GLRA1: variants seen among roughly 807,000 people sequenced by gnomAD.
The protein encoded by GLRA1 is glycine receptor subunit alpha-1.
In GLRA1, 37 loss-of-function variants were observed where a neutral mutation model predicts 48.3. The observed-to-expected ratio is 0.77, with a 90% CI of 0.59 to 1.01. The LOEUF (loss-of-function observed/expected upper bound fraction) is 1.01, where lower values mean the gene tolerates loss of function less well. GLRA1 is among the 50% of genes least tolerant of loss of function. GLRA1 has a pLI of 0.00. For synonymous variants in GLRA1, 196 were observed against 210.7 expected (o/e 0.93, Z 0.60); for missense variants, 427 against 571.0 (o/e 0.75, Z 2.57).
chr5:151,832,984 G>A (rs1267563118), intron 7 of GLRA1, among the ~76,000 whole-genome samples: 1 of 152,082 alleles, frequency 6.6e-6, no homozygotes, highest in Non-Finnish European at 1.5e-5. Context: ...AAGAGACTGG[G>A]GGCCAATATT....
At chr5:151,904,428 T>A (rs987159376) in intron 1 of GLRA1, among the ~76,000 whole-genome samples, 1 of 152,224 alleles carries the variant, frequency 6.6e-6, no homozygotes, top group Non-Finnish European at 1.5e-5. Flanking sequence ...GATTTCTATC[T>A]GTTGCAATTC....
intron 2 of GLRA1, 81 bp downstream of exon 2, chr5:151,892,230 T>C: frequency 7.9e-7 from 1 of 1,270,362 alleles, no homozygotes; most frequent in East Asian, 2.3e-5. Context: ...GTATTTACCA[T>C]CTGCGTGCAT....
intron 3 of GLRA1, among the ~76,000 whole-genome samples, chr5:151,861,886 C>A (rs980770408): frequency 3.3e-4 from 51 of 152,324 alleles, no homozygotes; most frequent in African/African-American, 1.2e-3. Flanking sequence ...ATGCCATTCC[C>A]ATCAAGCTAC....
chr5:151,889,543 C>A (rs1292390879), intron 2 of GLRA1, among the ~76,000 whole-genome samples: 1 of 152,196 alleles, frequency 6.6e-6, no homozygotes, highest in Non-Finnish European at 1.5e-5. Flanking sequence ...TTGTACTCTG[C>A]AGACTGTGCT....
chr5:151,881,592 T>G (rs1753765064), intron 3 of GLRA1, among the ~76,000 whole-genome samples: 1 of 149,084 alleles, frequency 6.7e-6, no homozygotes, highest in African/African-American at 2.5e-5. Context: ...CACCTTGGCC[T>G]CCCAAAGTGC....
At chr5:151,844,271 T>A (rs145789800) in intron 7 of GLRA1, among the ~76,000 whole-genome samples, 162 of 152,154 alleles carry the variant, frequency 1.1e-3, no homozygotes, top group African/African-American at 3.6e-3. Context: ...ATGAAACTCT[T>A]AGAAGAAAAT....
intron 7 of GLRA1, among the ~76,000 whole-genome samples, chr5:151,839,673 T>TA (rs1035248468): frequency 2.6e-5 from 4 of 152,108 alleles, no homozygotes; most frequent in African/African-American, 9.7e-5. Flanking sequence ...GGTTAGATCT[T>TA]AGAGGTGAGA....
At chr5:151,864,515 T>G (rs1238284046) in intron 3 of GLRA1, among the ~76,000 whole-genome samples, 1 of 152,222 alleles carries the variant, frequency 6.6e-6, no homozygotes, top group Non-Finnish European at 1.5e-5. Flanking sequence ...AGCATCAGCC[T>G]GAGCCTCTAG....
intron 3 of GLRA1, among the ~76,000 whole-genome samples, chr5:151,862,776 T>C (rs1701998489): frequency 1.3e-5 from 2 of 152,196 alleles, no homozygotes; most frequent in Admixed American, 6.5e-5. Context: ...TATTTGTGCA[T>C]GGTGAGTATC....
Position 151,822,727 on chromosome 5 carries a change from C to T in GLRA1, c.1296G>A (p.Met432Ile). ...GFPMAFLIFNMFYWIIYKIVR... is the reference protein window; with the variant it reads ...GFPMAFLIFNIFYWIIYKIVR... ...CAATCTTGTAGATGATCCAGTAGAA[C>T]ATGTTGAAAATGAGGAAGGCCATGG... The change falls in exon 9 of 9, where the codon ATG (methionine) becomes ATA (isoleucine). Residue 432 changes from methionine (M) to isoleucine (I), a missense_variant. By Grantham distance (10) the Met-to-Ile change is conservative. Coordinates refer to ENST00000274576, the MANE Select transcript of GLRA1 (RefSeq NM_000171.4). The T allele has an allele frequency of 1.2e-6, 2 of 1,613,896 alleles. No individual in the cohort carries two copies. Among genetic ancestry groups the T allele is most frequent in the Non-Finnish European group, 1.7e-6 (2 of 1,179,838 alleles).
At chr5:151,908,097 C>T (rs1329783842) in intron 1 of GLRA1, among the ~76,000 whole-genome samples, 3 of 152,160 alleles carry the variant, frequency 2.0e-5, no homozygotes, top group Non-Finnish European at 4.4e-5. Flanking sequence ...GCCTTCCTTC[C>T]TGGGCTTTGA....
intron 3 of GLRA1, among the ~76,000 whole-genome samples, chr5:151,872,637 G>A (rs550899147): frequency 4.7e-5 from 7 of 149,984 alleles, no homozygotes; most frequent in South Asian, 2.1e-4. Context: ...AAACCTAAAA[G>A]CATGTCAAGA....
chr5:151,838,423 C>T (rs924142753), intron 7 of GLRA1, among the ~76,000 whole-genome samples: 6 of 151,998 alleles, frequency 3.9e-5, no homozygotes, highest in African/African-American at 4.8e-5. Context: ...GAGCCGAGAT[C>T]GTATCACCGC....
chr5:151,864,208 G>A (rs1392578291), intron 3 of GLRA1, among the ~76,000 whole-genome samples: 1 of 152,074 alleles, frequency 6.6e-6, no homozygotes, highest in Non-Finnish European at 1.5e-5. Flanking sequence ...ACTATGAATG[G>A]TTGGGCAGAA....
At chr5:151,828,053 G>A (rs1424259805) in intron 8 of GLRA1, among the ~76,000 whole-genome samples, 2 of 151,996 alleles carry the variant, frequency 1.3e-5, no homozygotes, top group Non-Finnish European at 2.9e-5. Flanking sequence ...GCGATTTGGT[G>A]GAAGAGATCG....
In GLRA1 at chr5:151,913,509, G is replaced by A. The variant is rs139031960; in HGVS notation, c.56+10985C>T. Among the ~76,000 whole-genome samples the A allele has an allele frequency of 1.6e-3, 246 of 152,236 alleles. 4 individuals are homozygous for A. The highest frequency in any genetic ancestry group is 5.8e-3 in the African/African-American group (240 of 41,530). ...GTAAATAGCAGTGGGGGCTGTGTGC[G>A]GCAAGCTGAGAGTTTCGTATTATGT... On this transcript the variant is annotated intron_variant, in intron 1 of 8. Transcript: ENST00000274576.
intron 1 of GLRA1, among the ~76,000 whole-genome samples, chr5:151,923,398 C>A (rs1247976641): frequency 6.6e-6 from 1 of 152,104 alleles, no homozygotes; most frequent in Non-Finnish European, 1.5e-5. Flanking sequence ...TTTTTAAAAA[C>A]AATTTGGGGT....
At chr5:151,856,572 G>T (rs538293530) in intron 4 of GLRA1, among the ~76,000 whole-genome samples, 189 bp from the exon 5 acceptor site, 1 of 152,068 alleles carries the variant, frequency 6.6e-6, no homozygotes, top group African/African-American at 2.4e-5. Flanking sequence ...AGGCTGGAGC[G>T]CAATGATGCA....
At chr5:151,832,810 T>A (rs1190806118) in intron 7 of GLRA1, among the ~76,000 whole-genome samples, 2 of 152,050 alleles carry the variant, frequency 1.3e-5, no homozygotes, top group African/African-American at 4.8e-5. Context: ...ACCACAAAGA[T>A]ACTCCTCGAG....
Sources: gnomAD v4.1 joint callset for allele counts (sites outside exome capture counted in the v4.1 genomes callset) on GRCh38, gnomAD v4.1.1 for gene constraint, MANE v1.5 for transcripts, NCBI Gene and HGNC (gene_info 2026-07-23, HGNC 2026-07-21) for gene names.